The following STARD13 variants were observed in gnomAD, a reference collection of about 807,000 sequenced individuals.
The protein encoded by STARD13 is StAR related lipid transfer domain containing 13, also known as stAR-related lipid transfer protein 13.
Under a neutral mutation model 106.4 loss-of-function variants are expected in STARD13, and 62 were observed. The ratio of observed to expected loss-of-function variants is 0.58; its 90% CI spans 0.48 to 0.72. STARD13 has a LOEUF of 0.72. Ranked by LOEUF, STARD13 falls within the 30% of genes least tolerant of loss-of-function variation. The probability of loss-of-function intolerance (pLI) is 0.00; values close to 1 mark genes in which losing one functional copy is unlikely to be tolerated. For synonymous variants in STARD13, 565 were observed against 553.0 expected (o/e 1.02, Z -0.31); for missense variants, 1,387 against 1,424.0 (o/e 0.97, Z 0.42).
At chr13:33,425,388 C>T in the STARD13 span, among the ~76,000 whole-genome samples, 1 of 152,100 alleles carries the variant, frequency 6.6e-6, no homozygotes, top group African/African-American at 2.4e-5. Flanking sequence ...GGAGGGACCC[C>T]AAACTTAAGT....
intron 1 of STARD13, chr13:33,205,831 T>C (rs1887379768): frequency 1.3e-5 from 13 of 985,106 alleles, no homozygotes; most frequent in Non-Finnish European, 1.6e-5. Context: ...TGTTTAAAAT[T>C]GTCCTTAGGC....
chr13:33,213,324 GA>G (rs988236822), intron 1 of STARD13, among the ~76,000 whole-genome samples: 6 of 151,896 alleles, frequency 4.0e-5, no homozygotes, highest in African/African-American at 9.7e-5. Context: ...AAATGGGGGA[GA>G]AAAAAAATCT....
chr13:33,200,296 C>A (rs926725071), intron 1 of STARD13, among the ~76,000 whole-genome samples: 26 of 152,206 alleles, frequency 1.7e-4, no homozygotes, highest in African/African-American at 6.3e-4. Flanking sequence ...ACCAGCCTGG[C>A]TCAGCTCAAG....
the STARD13 span, among the ~76,000 whole-genome samples, chr13:33,489,462 A>T: frequency 6.6e-6 from 1 of 152,328 alleles, no homozygotes; most frequent in Non-Finnish European, 1.5e-5. Flanking sequence ...CCATCATATT[A>T]TTCTTCATTT....
intron 1 of STARD13, among the ~76,000 whole-genome samples, chr13:33,324,841 A>C (rs557784706): frequency 1.3e-5 from 2 of 152,306 alleles, no homozygotes; most frequent in East Asian, 3.9e-4. Context: ...CTGCAGATTG[A>C]TTGTGATATG....
At chr13:33,593,010 G>C in the STARD13 span, among the ~76,000 whole-genome samples, 1 of 152,060 alleles carries the variant, frequency 6.6e-6, no homozygotes, top group African/African-American at 2.4e-5. Flanking sequence ...TGGGCACCTA[G>C]GAGAGGGGTG....
intron 3 of STARD13, among the ~76,000 whole-genome samples, chr13:33,163,867 T>A (rs1190933388): frequency 2.0e-5 from 3 of 150,582 alleles, no homozygotes; most frequent in Non-Finnish European, 4.4e-5. Context: ...AGCAAAAAAA[T>A]ATGTGGTTAA....
intron 1 of STARD13, among the ~76,000 whole-genome samples, chr13:33,179,318 T>TCTAGCATA (rs1444125398): frequency 1.3e-5 from 2 of 152,192 alleles, no homozygotes; most frequent in Non-Finnish European, 2.9e-5. Flanking sequence ...GTAGGTTAAT[T>TCTAGCATA]CTAGCATACC....
chr13:33,201,044 TAAAC>T (rs143557621), intron 1 of STARD13, among the ~76,000 whole-genome samples: 30,110 of 147,458 alleles, frequency 0.2, 3,076 homozygotes, highest in East Asian at 0.34. Flanking sequence ...AAAATAAAAA[TAAAC>T]AAATAAATAA....
chr13:33,388,750 A>G, the STARD13 span, among the ~76,000 whole-genome samples: 4 of 152,090 alleles, frequency 2.6e-5, no homozygotes, highest in Admixed American at 1.3e-4. Context: ...AGCCACACCA[A>G]CGTTACTCAG....
At chr13:33,308,408 A>G (rs1346146194) in intron 1 of STARD13, among the ~76,000 whole-genome samples, 4 of 151,792 alleles carry the variant, frequency 2.6e-5, no homozygotes, top group African/African-American at 7.3e-5. Flanking sequence ...ATCTATCAAT[A>G]TGCGTATCTG....
chr13:33,382,733 T>C, the STARD13 span, among the ~76,000 whole-genome samples: 1 of 152,208 alleles, frequency 6.6e-6, no homozygotes, highest in Non-Finnish European at 1.5e-5. Flanking sequence ...AAATAGGCTA[T>C]CTTATGTTTG....
chr13:33,135,990 T>G (rs1879001558), intron 4 of STARD13, among the ~76,000 whole-genome samples: 1 of 151,996 alleles, frequency 6.6e-6, no homozygotes, highest in South Asian at 2.1e-4. Flanking sequence ...GGTATGGTGG[T>G]GCATGCCTGT....
chr13:33,158,429 G>A (rs898277342), intron 3 of STARD13, among the ~76,000 whole-genome samples: 1 of 152,194 alleles, frequency 6.6e-6, no homozygotes, highest in Non-Finnish European at 1.5e-5. Flanking sequence ...TTCTTGTCAT[G>A]GCTAACACTT....
chr13:33,549,470 A>AT, the STARD13 span, among the ~76,000 whole-genome samples: 1 of 152,226 alleles, frequency 6.6e-6, no homozygotes, highest in African/African-American at 2.4e-5. Flanking sequence ...GAAGCCCAGC[A>AT]TTTTAAAATC....
the STARD13 span, among the ~76,000 whole-genome samples, chr13:33,584,371 G>A: frequency 1.3e-5 from 2 of 152,090 alleles, no homozygotes; most frequent in East Asian, 3.9e-4. Flanking sequence ...GGCCAGAGCA[G>A]GAGCAAGAAA....
the STARD13 span, among the ~76,000 whole-genome samples, chr13:33,453,292 C>A: frequency 6.6e-6 from 1 of 152,190 alleles, no homozygotes; most frequent in Non-Finnish European, 1.5e-5. Flanking sequence ...TGGTCCCTGG[C>A]TTGTTCAGCT....
the STARD13 span, among the ~76,000 whole-genome samples, chr13:33,519,156 G>A: frequency 9.4e-4 from 143 of 152,006 alleles, 2 homozygotes; most frequent in African/African-American, 3.1e-3. Flanking sequence ...ATCCTCTCAG[G>A]TGGGTTTAGG....
At chr13:33,572,073 A>G in the STARD13 span, among the ~76,000 whole-genome samples, 2 of 152,196 alleles carry the variant, frequency 1.3e-5, no homozygotes, top group Admixed American at 1.3e-4. Flanking sequence ...TCAATAAGCA[A>G]GCACCTGCAA....
Sources: gnomAD v4.1 joint callset for allele counts (sites outside exome capture counted in the v4.1 genomes callset) on GRCh38, gnomAD v4.1.1 for gene constraint, MANE v1.5 for transcripts, NCBI Gene and HGNC (gene_info 2026-07-23, HGNC 2026-07-21) for gene names.